MSH3: variants seen among roughly 807,000 people sequenced by gnomAD.
MSH3 encodes mutS homolog 3, also known as DNA mismatch repair protein Msh3.
In MSH3, 106 loss-of-function variants were observed where a neutral mutation model predicts 123.3. The observed-to-expected ratio is 0.86, with a 90% CI of 0.73 to 1.01. The LOEUF is 1.01. Ranked by LOEUF, MSH3 falls within the 50% of genes least tolerant of loss-of-function variation. MSH3 has a pLI of 0.00. For missense variants in MSH3, 1,459 were observed against 1,347.6 expected (o/e 1.08, Z -1.29); for synonymous variants, 515 against 481.4 (o/e 1.07, Z -0.91).
At chr5:80,762,088 G>A (rs1037025567) in intron 13 of MSH3, among the ~76,000 whole-genome samples, 3 of 151,936 alleles carry the variant, frequency 2.0e-5, no homozygotes, top group African/African-American at 7.2e-5. Context: ...TATAACATCT[G>A]TGGTGGTAGT....
chr5:80,781,729 T>C (rs954535706), intron 17 of MSH3, among the ~76,000 whole-genome samples: 5 of 152,128 alleles, frequency 3.3e-5, no homozygotes, highest in African/African-American at 1.2e-4. Context: ...AATTTCTGAT[T>C]GTCTTTTTCC....
Position 80,778,722 on chromosome 5 carries a change from C to T in MSH3, c.2321C>T (p.Thr774Ile). ...IPTDWVKVGS[T>I]KAVSRFHSPF... ...TTGTGTTCTTTCCCCTCTTCTAGCA[C>T]AAAAGCTGTGAGCCGCTTTCACTCT... Residue 774 changes from threonine (T) to isoleucine (I), a missense_variant and splice_region_variant, in exon 17 of 24, where the codon ACA becomes ATA. Physicochemically the swap from Thr to Ile is moderately conservative, Grantham distance 89 (BLOSUM62 -1). Transcript: ENST00000265081. 6.3e-7 allele frequency: 1 copy of T among 1,590,438 alleles called. No homozygotes were observed. The highest frequency in any genetic ancestry group is 8.6e-7 in the Non-Finnish European group (1 of 1,158,432).
intron 10 of MSH3, 21 bp downstream of exon 10, chr5:80,728,986 TA>T (rs759934743): frequency 3.1e-6 from 4 of 1,292,024 alleles, no homozygotes; most frequent in African/African-American, 1.5e-5. Context: ...CCTCCAAAAT[TA>T]AAAAAAGGGG....
At chr5:80,716,381 CT>C (rs952119109) in intron 8 of MSH3, among the ~76,000 whole-genome samples, 3 of 151,072 alleles carry the variant, frequency 2.0e-5, no homozygotes, top group African/African-American at 4.9e-5. Context: ...AAATGGAAGT[CT>C]TTTTTTTTAT....
chr5:80,678,416 A>C (rs1355222419), intron 7 of MSH3, among the ~76,000 whole-genome samples: 2 of 152,218 alleles, frequency 1.3e-5, no homozygotes, highest in Non-Finnish European at 2.9e-5. Context: ...TAAAGTATAC[A>C]TTTTATGTGT....
intron 20 of MSH3, among the ~76,000 whole-genome samples, chr5:80,834,685 AAAT>A (rs1745479386): frequency 6.7e-6 from 1 of 149,464 alleles, no homozygotes; most frequent in Admixed American, 6.7e-5. Flanking sequence ...TAATACTTAA[AAAT>A]AATAAAGTAA....
intron 8 of MSH3, among the ~76,000 whole-genome samples, chr5:80,705,409 T>G (rs1275649582): frequency 6.6e-6 from 1 of 152,214 alleles, no homozygotes; most frequent in Non-Finnish European, 1.5e-5. Context: ...TACCAGACGG[T>G]GAAAGCATTG....
At chr5:80,835,655 C>CT (rs1428706535) in intron 20 of MSH3, among the ~76,000 whole-genome samples, 2 of 152,102 alleles carry the variant, frequency 1.3e-5, no homozygotes, top group Non-Finnish European at 2.9e-5. Context: ...TGGCTCATGC[C>CT]TGTAATCCTA....
Position 80,672,297 on chromosome 5 carries a change from A to C in MSH3, c.846A>C (p.Thr282=). The change falls in exon 5 of 24, where the codon ACA becomes ACC. Residue 282 remains threonine, a synonymous_variant. Transcript: ENST00000265081. ...IYCHLDHNFM[T]ASIPTHRLFV... is the part of the protein sequence containing the mutation. Reference sequence around the variant, plus strand: ...GCCATTTAGATCACAACTTTATGACAGCAAGTATACCTACTCACAGACTGT... The same window carrying C: ...GCCATTTAGATCACAACTTTATGACCGCAAGTATACCTACTCACAGACTGT... 1 of 1,614,120 alleles carries C rather than the reference A, an allele frequency of 6.2e-7. No individual in the cohort carries two copies.
Position 80,873,173 on chromosome 5 carries a change from T to C in MSH3, c.3188T>C (p.Ile1063Thr), listed in dbSNP as rs758008315. The C allele has an allele frequency of 1.6e-4, 255 of 1,613,718 alleles. No individual in the cohort carries two copies. The highest frequency in any genetic ancestry group is 2.1e-4 in the Non-Finnish European group (245 of 1,179,768). ...TTCCTTTACCAAATAACTAGAGGAA[T>C]TGCAGCAAGGAGTTATGGATTAAAT... ...VTFLYQITRG[I>T]AARSYGLNVA... is the part of the protein sequence containing the mutation. The change falls in exon 23 of 24, where the codon ATT (isoleucine) becomes ACT (threonine). Residue 1063 changes from isoleucine (I) to threonine (T), a missense_variant. Physicochemically the swap from Ile to Thr is moderately conservative, Grantham distance 89. Coordinates refer to ENST00000265081, the MANE Select transcript of MSH3 (RefSeq NM_002439.5).
chr5:80,806,349 G>A (rs770405770), intron 19 of MSH3, among the ~76,000 whole-genome samples: 8 of 152,114 alleles, frequency 5.3e-5, no homozygotes, highest in South Asian at 2.1e-4. Context: ...TGCCCGCCTC[G>A]GCCTCCCAAA....
intron 8 of MSH3, among the ~76,000 whole-genome samples, chr5:80,708,319 TATG>T (rs2112842898): frequency 6.6e-6 from 1 of 152,270 alleles, no homozygotes; most frequent in African/African-American, 2.4e-5. Flanking sequence ...GGCATCATGA[TATG>T]AGGCAGGGAT....
chr5:80,724,403 A>G (rs926720274), intron 8 of MSH3, among the ~76,000 whole-genome samples: 1 of 152,130 alleles, frequency 6.6e-6, no homozygotes, highest in Non-Finnish European at 1.5e-5. Context: ...TATATTATAT[A>G]TGCTTGTGTA....
intron 20 of MSH3, among the ~76,000 whole-genome samples, chr5:80,839,323 G>A (rs1745573311): frequency 6.6e-6 from 1 of 152,182 alleles, no homozygotes. Context: ...AGCTGAAATT[G>A]TGCCACTGCA....
chr5:80,720,417 A>G (rs571252794), intron 8 of MSH3, among the ~76,000 whole-genome samples: 2 of 151,890 alleles, frequency 1.3e-5, no homozygotes, highest in Non-Finnish European at 2.9e-5. Flanking sequence ...ACTTTCTTTC[A>G]ATCTTTCAAA....
chr5:80,809,849 G>C (rs905455145), intron 19 of MSH3, among the ~76,000 whole-genome samples: 2 of 152,184 alleles, frequency 1.3e-5, no homozygotes, highest in African/African-American at 4.8e-5. Context: ...GTGTTTGTAA[G>C]GAGTTATTGA....
intron 8 of MSH3, among the ~76,000 whole-genome samples, chr5:80,719,333 A>G (rs751547208): frequency 3.9e-5 from 6 of 152,214 alleles, no homozygotes; most frequent in Admixed American, 1.3e-4. Flanking sequence ...GGCATGAGCC[A>G]CTGTACCCGG....
intron 20 of MSH3, among the ~76,000 whole-genome samples, chr5:80,833,355 A>G (rs1363349494): frequency 1.3e-5 from 2 of 152,220 alleles, no homozygotes; most frequent in Non-Finnish European, 2.9e-5. Flanking sequence ...GAATTCCCTA[A>G]ATCTCTAACA....
chr5:80,826,601 T>C (rs1248651400), intron 20 of MSH3, among the ~76,000 whole-genome samples: 3 of 147,724 alleles, frequency 2.0e-5, no homozygotes, highest in African/African-American at 7.6e-5. Context: ...CAGGCTGGAG[T>C]GCAGTGGCAT....
Sources: allele counts gnomAD v4.1 joint callset (sites outside exome capture counted in the v4.1 genomes callset), GRCh38; gene constraint gnomAD v4.1.1; transcripts MANE v1.5; gene names NCBI Gene and HGNC (gene_info 2026-07-23, HGNC 2026-07-21).